The following MACROD2 variants were observed in gnomAD, a reference collection of about 807,000 sequenced individuals.
MACROD2 encodes the protein ADP-ribose glycohydrolase MACROD2.
Under a neutral mutation model 70.4 loss-of-function variants are expected in MACROD2, and 36 were observed. The observed-to-expected ratio is 0.51, with a 90% CI of 0.39 to 0.68. MACROD2 has a LOEUF of 0.68. Among genes scored for constraint, MACROD2 ranks in the 30% least tolerant of loss-of-function variants. The pLI, the probability that MACROD2 is intolerant of heterozygous loss-of-function variation, is 0.00. For missense variants in MACROD2, 496 were observed against 538.4 expected (o/e 0.92, Z 0.78); for synonymous variants, 172 against 178.8 (o/e 0.96, Z 0.30).
chr20:15,183,860 G>C (rs571555599), intron 5 of MACROD2, among the ~76,000 whole-genome samples: 1 of 152,290 alleles, frequency 6.6e-6, no homozygotes, highest in East Asian at 1.9e-4. Context: ...ACAAGATGAG[G>C]ATAACCTATC....
chr20:14,851,932 T>A (rs1227328584), intron 5 of MACROD2, among the ~76,000 whole-genome samples: 1 of 152,108 alleles, frequency 6.6e-6, no homozygotes, highest in Non-Finnish European at 1.5e-5. Context: ...AATAAAGCAT[T>A]TCATAGAGAA....
chr20:15,951,146 G>A lies in MACROD2; in HGVS notation c.907+13602G>A, dbSNP rs373908369. ...TTCTTGAATTTATGGTTATGGAGTG[G>A]TATCGGAAAAACATTCTCTCAAGTT... On this transcript the variant is annotated intron_variant, in intron 12 of 17. Transcript: ENST00000684519. Among the ~76,000 whole-genome samples the A allele has an allele frequency of 2.0e-5, 3 of 152,120 alleles. No individual in the cohort carries two copies. In the East Asian group the frequency reaches 5.8e-4, roughly 29 times the overall value.
chr20:15,168,313 T>C (rs1362302212), intron 5 of MACROD2, among the ~76,000 whole-genome samples: 1 of 152,132 alleles, frequency 6.6e-6, no homozygotes, highest in East Asian at 1.9e-4. Flanking sequence ...CTCTTGATTT[T>C]AATACATATA....
chr20:15,626,017 C>T (rs1035967502), intron 8 of MACROD2, among the ~76,000 whole-genome samples: 3 of 150,746 alleles, frequency 2.0e-5, no homozygotes, highest in Admixed American at 6.6e-5. Context: ...TGCTCTTGGG[C>T]GAGTCACCTT....
intron 5 of MACROD2, among the ~76,000 whole-genome samples, chr20:14,821,822 C>T (rs1396828907): frequency 6.6e-6 from 1 of 152,048 alleles, no homozygotes; most frequent in East Asian, 1.9e-4. Context: ...TCTGGCACTT[C>T]CAAGCTGGCC....
chr20:14,356,837 G>C (rs1403567579), intron 3 of MACROD2, among the ~76,000 whole-genome samples: 2 of 152,100 alleles, frequency 1.3e-5, no homozygotes, highest in Non-Finnish European at 2.9e-5. Flanking sequence ...CCTCACGCAC[G>C]GCTGGCATAT....
intron 5 of MACROD2, among the ~76,000 whole-genome samples, chr20:15,085,877 C>CA (rs1568565997): frequency 8.7e-5 from 9 of 102,990 alleles, no homozygotes; most frequent in African/African-American, 5.3e-4. Context: ...ACACACAACA[C>CA]ACACACACAC....
At chr20:14,410,801 TC>T (rs1049300554) in intron 3 of MACROD2, among the ~76,000 whole-genome samples, 1 of 152,148 alleles carries the variant, frequency 6.6e-6, no homozygotes, top group African/African-American at 2.4e-5. Context: ...CTTTCTGACT[TC>T]CCTACTTTTC....
chr20:14,817,548 T>G (rs1257468200), intron 5 of MACROD2, among the ~76,000 whole-genome samples: 4 of 152,200 alleles, frequency 2.6e-5, no homozygotes, highest in Non-Finnish European at 4.4e-5. Context: ...CTCCTTGGGC[T>G]GTCTTAGCTG....
At chr20:14,985,014 C>T (rs144019731) in intron 5 of MACROD2, among the ~76,000 whole-genome samples, 1 of 152,128 alleles carries the variant, frequency 6.6e-6, no homozygotes, top group Non-Finnish European at 1.5e-5. Context: ...ACAGTGTGAC[C>T]TTACGTACTT....
At chr20:15,630,929 AC>A (rs1431618094) in intron 8 of MACROD2, among the ~76,000 whole-genome samples, 1 of 152,188 alleles carries the variant, frequency 6.6e-6, no homozygotes, top group African/African-American at 2.4e-5. Context: ...CTTTAAGTTT[AC>A]CCCAGGTTAG....
chr20:15,956,465 C>G (rs1006415425), intron 12 of MACROD2, among the ~76,000 whole-genome samples: 1 of 152,178 alleles, frequency 6.6e-6, no homozygotes, highest in Non-Finnish European at 1.5e-5. Context: ...AGCTGTGCAT[C>G]CCTCCTCATC....
chr20:14,977,515 G>A (rs947855257), intron 5 of MACROD2, among the ~76,000 whole-genome samples: 2 of 150,330 alleles, frequency 1.3e-5, no homozygotes, highest in Non-Finnish European at 2.9e-5. Flanking sequence ...AGGGTTTAGG[G>A]TGACCTGAAG....
chr20:14,806,734 G>T (rs1383274173), intron 5 of MACROD2, among the ~76,000 whole-genome samples: 2 of 152,212 alleles, frequency 1.3e-5, no homozygotes, highest in African/African-American at 4.8e-5. Flanking sequence ...AGTTGACCTG[G>T]GATGCTCGAG....
chr20:15,772,328 T>C (rs2051649821), intron 8 of MACROD2, among the ~76,000 whole-genome samples: 2 of 151,590 alleles, frequency 1.3e-5, no homozygotes, highest in South Asian at 4.2e-4. Context: ...TTAATCCACA[T>C]AGTAAGTGAT....
At chr20:15,610,991 C>CTTTTTTTTTTTTTTTTTT in intron 8 of MACROD2, among the ~76,000 whole-genome samples, 1 of 60,088 alleles carries the variant, frequency 1.7e-5, no homozygotes, top group South Asian at 8.9e-4. Context: ...AGCCAAAAAT[C>CTTTTTTTTTTTTTTTTTT]TTTTTTTTTT....
intron 3 of MACROD2, among the ~76,000 whole-genome samples, chr20:14,274,916 A>C (rs2082235847): frequency 6.6e-6 from 1 of 151,976 alleles, no homozygotes; most frequent in East Asian, 1.9e-4. Flanking sequence ...AAGAGTATAA[A>C]ATACCTAGGA....
intron 3 of MACROD2, among the ~76,000 whole-genome samples, chr20:14,392,128 A>T (rs941053447): frequency 6.6e-6 from 1 of 151,816 alleles, no homozygotes; most frequent in African/African-American, 2.4e-5. Flanking sequence ...TCAACTCCAT[A>T]TAGACTTTCT....
At chr20:14,785,988 T>G (rs918620295) in intron 5 of MACROD2, among the ~76,000 whole-genome samples, 30 of 152,036 alleles carry the variant, frequency 2.0e-4, no homozygotes, top group African/African-American at 6.0e-4. Context: ...AAAACAAGAA[T>G]GGAGAACATA....
Sources: gnomAD v4.1 joint callset for allele counts (sites outside exome capture counted in the v4.1 genomes callset) on GRCh38, gnomAD v4.1.1 for gene constraint, MANE v1.5 for transcripts, NCBI Gene and HGNC (gene_info 2026-07-23, HGNC 2026-07-21) for gene names.